The following LLPH variants were observed in gnomAD, a reference collection of about 807,000 sequenced individuals.
LLPH encodes LLP homolog, long-term synaptic facilitation factor.
Under a neutral mutation model 13.3 loss-of-function variants are expected in LLPH, and 5 were observed. That is an observed-to-expected ratio of 0.38 (90% CI 0.20 to 0.79). LLPH has a LOEUF of 0.79. Among genes scored for constraint, LLPH ranks in the 30% least tolerant of loss-of-function variants. The probability of loss-of-function intolerance (pLI) is 0.45; values close to 1 mark genes in which losing one functional copy is unlikely to be tolerated. For missense variants in LLPH, 129 were observed against 152.1 expected (o/e 0.85, Z 0.80); for synonymous variants, 32 against 44.2 (o/e 0.72, Z 1.09).
At chr12:66,126,099 T>C (rs2136829666) in intron 2 of LLPH, among the ~76,000 whole-genome samples, 1 of 151,232 alleles carries the variant, frequency 6.6e-6, no homozygotes, top group East Asian at 2.0e-4. Context: ...CCGAGGCGGG[T>C]GGATCACGAG....
chr12:66,124,715 T>C (rs191847361), intron 2 of LLPH, among the ~76,000 whole-genome samples: 48 of 152,328 alleles, frequency 3.2e-4, no homozygotes, highest in African/African-American at 9.4e-4. Flanking sequence ...TATTAGATAT[T>C]TGCCATTGTT....
intron 2 of LLPH, among the ~76,000 whole-genome samples, chr12:66,128,343 A>G (rs1487733999): frequency 6.6e-6 from 1 of 152,236 alleles, no homozygotes; most frequent in African/African-American, 2.4e-5. Context: ...GCAGCATTAT[A>G]TATATATCCT....
In LLPH at chr12:66,123,947, T is replaced by C. The variant is rs147676166; in HGVS notation, c.283A>G (p.Ile95Val). The change falls in exon 3 of 3, where the codon ATA (isoleucine) becomes GTA (valine). Residue 95 changes from isoleucine (I) to valine (V), a missense_variant. Transcript: ENST00000266604. ...TTTCTTTGCCTTTGGTTCATCCATA[T>C]TGGGTACTGTCCATGCTGGTCTAGA... is the stretch of plus-strand genomic sequence containing the variant. ...TLLDQHGQYPIWMNQRQRKRL... is the reference protein window; with the variant it reads ...TLLDQHGQYPVWMNQRQRKRL... The C allele has an allele frequency of 6.8e-5, 110 of 1,612,706 alleles. No individual in the cohort carries two copies. Among genetic ancestry groups the C allele is most frequent in the African/African-American group, 1.9e-4 (14 of 74,914 alleles).
chr12:66,128,382 C>T (rs535348613), intron 2 of LLPH, among the ~76,000 whole-genome samples: 2 of 152,202 alleles, frequency 1.3e-5, no homozygotes, highest in South Asian at 4.1e-4. Context: ...CACAAAGGTT[C>T]CTAGAATCTG....
intron 2 of LLPH, among the ~76,000 whole-genome samples, chr12:66,124,623 G>A (rs1014234191): frequency 6.6e-6 from 1 of 152,146 alleles, no homozygotes; most frequent in African/African-American, 2.4e-5. Flanking sequence ...TCTCCACTGT[G>A]AAGGACATGC....
intron 2 of LLPH, among the ~76,000 whole-genome samples, chr12:66,127,658 T>G (rs1455304018): frequency 6.6e-6 from 1 of 152,220 alleles, no homozygotes; most frequent in Admixed American, 6.5e-5. Context: ...TTTTATGTTA[T>G]GTGGATTTTG....
In LLPH at chr12:66,122,988, C is replaced by T. The variant is rs994547421; in HGVS notation, c.*852G>A. On this transcript the variant is annotated 3_prime_UTR_variant, in exon 3 of 3. Coordinates refer to ENST00000266604, the MANE Select transcript of LLPH (RefSeq NM_032338.4). ...TCTACCTAAAATTAAGATAAGAAAA[C>T]ATTTAATTGAAATCTGGTCTTCTCT... is the stretch of plus-strand genomic sequence containing the variant. The T allele has an allele frequency of 2.6e-5, 4 of 151,838 alleles. No homozygotes were observed. The highest frequency in any genetic ancestry group is 1.3e-4 in the Admixed American group (2 of 15,238). The allele number at this position is 151,838 out of a possible 1,614,324, so 9.4% of individuals were successfully genotyped here. A position where few individuals can be genotyped will look rare whatever the true frequency, so the allele number is the denominator to read the frequency against.
At chr12:66,127,743 C>CA (rs775045669) in intron 2 of LLPH, among the ~76,000 whole-genome samples, 2 of 152,152 alleles carry the variant, frequency 1.3e-5, no homozygotes, top group Non-Finnish European at 2.9e-5. Context: ...CAAGTGAAGG[C>CA]AAGTGTTTCA....
At position 66,121,676 on chromosome 12, in the gene LLPH, G is replaced by A. The variant is rs1198550531; in HGVS notation, c.*2164C>T. The A allele has an allele frequency of 1.3e-5, 2 of 151,764 alleles. No homozygotes were observed. Among genetic ancestry groups the A allele is most frequent in the East Asian group, 3.9e-4 (2 of 5,086 alleles). 9.4% of individuals were successfully genotyped at this position (151,764 alleles called of 1,614,324 possible). ...GGGGCAGGTGGATTACTTGAGTCCA[G>A]GAGTTTGAGACCAGCCTGGGCAACA... On this transcript the variant is annotated 3_prime_UTR_variant, in exon 3 of 3. Transcript: ENST00000266604.
rs2051480260 is a variant in LLPH at position 66,123,926 on chromosome 12, T to C, written c.304A>G (p.Arg102Gly). 6.2e-7 allele frequency: 1 copy of C among 1,613,046 alleles called. No individual in the cohort carries two copies. Residue 102 changes from arginine to glycine, a missense_variant, in exon 3 of 3, where the codon AGA (arginine) becomes GGA (glycine). Physicochemically the swap from Arg to Gly is moderately radical, Grantham distance 125. Coordinates refer to ENST00000266604, the MANE Select transcript of LLPH (RefSeq NM_032338.4). ...TCTCGCTTTGCCTTCAGCCTTTTTC[T>C]TTGCCTTTGGTTCATCCATATTGGG... ...QYPIWMNQRQ[R>G]KRLKAKREKR...
chr12:66,125,830 TGAAA>T (rs3045953), intron 2 of LLPH, among the ~76,000 whole-genome samples: 10,788 of 151,716 alleles, frequency 0.071, 991 homozygotes, highest in East Asian at 0.51. Flanking sequence ...GCTTCTAATA[TGAAA>T]GAAAGAGACA....
chr12:66,129,972 A>T (rs557072838), intron 1 of LLPH, among the ~76,000 whole-genome samples: 1 of 151,796 alleles, frequency 6.6e-6, no homozygotes, highest in Non-Finnish European at 1.5e-5. Flanking sequence ...CCTCCCTCAT[A>T]TATATTCAAG....
chr12:66,129,211 A>G, intron 1 of LLPH, 98 bp from the exon 2 acceptor site: 2 of 757,134 alleles, frequency 2.6e-6, no homozygotes, highest in Admixed American at 2.6e-5. Flanking sequence ...TATCTCTACA[A>G]AACAAGTGAA....
In LLPH at chr12:66,122,617, A is replaced by G. The variant is rs961762697; in HGVS notation, c.*1223T>C. 1 of 152,252 alleles carries G rather than the reference A, an allele frequency of 6.6e-6. No individual in the cohort carries two copies. The highest frequency in any genetic ancestry group is 2.4e-5 in the African/African-American group (1 of 41,466). The allele number at this position is 152,252 out of a possible 1,614,324, so 9.4% of individuals were successfully genotyped here. On this transcript the variant is annotated 3_prime_UTR_variant, in exon 3 of 3. Coordinates refer to ENST00000266604, the MANE Select transcript of LLPH (RefSeq NM_032338.4). ...AAAATGAATTTAGCAAACTGTAGTA[A>G]GACAGATTTAACTAAAAATCATTTC...
rs2051439549 is a variant in LLPH at position 66,118,028 on chromosome 12, G to C, written c.*5812C>G. ...TAAAGTTAATTTATTATTGAAGAAAGTTTTTTATAAGTTTATGTAGCCTAA... is the reference window on the plus strand; with the variant it reads ...TAAAGTTAATTTATTATTGAAGAAACTTTTTTATAAGTTTATGTAGCCTAA... On this transcript the variant is annotated 3_prime_UTR_variant, in exon 3 of 3. Transcript: ENST00000266604. 6.6e-6 allele frequency: 1 copy of C among 152,100 alleles called. No individual in the cohort carries two copies. The highest frequency in any genetic ancestry group is 6.6e-5 in the Admixed American group (1 of 15,260). The allele number at this position is 152,100 out of a possible 1,614,324, so 9.4% of individuals were successfully genotyped here. A position where few individuals can be genotyped will look rare whatever the true frequency, so the allele number is the denominator to read the frequency against.
chr12:66,117,884 TATAAA>T lies in LLPH; in HGVS notation c.*5951_*5955del, dbSNP rs1275699592. 6.6e-6 allele frequency: 1 copy of T among 152,190 alleles called. No homozygotes were observed. Among genetic ancestry groups the T allele is most frequent in the African/African-American group, 2.4e-5 (1 of 41,458 alleles). The allele number at this position is 152,190 out of a possible 1,614,324, so 9.4% of individuals were successfully genotyped here. ...GGAAATAGAAAAAAGCTTATAAAAA[TATAAA>T]ATATTTGTGTACAGTTGTACAATGT... On this transcript the variant is annotated 3_prime_UTR_variant, in exon 3 of 3. Coordinates refer to ENST00000266604, the MANE Select transcript of LLPH (RefSeq NM_032338.4).
Position 66,117,298 on chromosome 12 carries a change from T to C in LLPH, c.*6542A>G, listed in dbSNP as rs1432704575. ...AACAACTATTTACATAGCATTTTCA[T>C]TGTATTATAAGTAATCTAGAGATGA... On this transcript the variant is annotated 3_prime_UTR_variant, in exon 3 of 3. Coordinates refer to ENST00000266604, the MANE Select transcript of LLPH (RefSeq NM_032338.4). 1.3e-5 allele frequency: 2 copies of C among 152,248 alleles called. No individual in the cohort carries two copies. Among genetic ancestry groups the C allele is most frequent in the Non-Finnish European group, 2.9e-5 (2 of 68,038 alleles). 9.4% of individuals were successfully genotyped at this position (152,248 alleles called of 1,614,324 possible). A position where few individuals can be genotyped will look rare whatever the true frequency, so the allele number is the denominator to read the frequency against.
At chr12:66,128,432 T>C (rs932072893) in intron 2 of LLPH, among the ~76,000 whole-genome samples, 1 of 152,134 alleles carries the variant, frequency 6.6e-6, no homozygotes, top group Non-Finnish European at 1.5e-5. Context: ...TTCAGGATAA[T>C]AGTATAAGGG....
At chr12:66,126,079 C>G (rs928223016) in intron 2 of LLPH, among the ~76,000 whole-genome samples, 2 of 152,124 alleles carry the variant, frequency 1.3e-5, no homozygotes, top group Non-Finnish European at 2.9e-5. Context: ...AATCCCAGCA[C>G]TTTGGGAGGC....
Sources: allele counts gnomAD v4.1 joint callset (sites outside exome capture counted in the v4.1 genomes callset), GRCh38; gene constraint gnomAD v4.1.1; transcripts MANE v1.5; gene names NCBI Gene and HGNC (gene_info 2026-07-23, HGNC 2026-07-21).